SNX13: variants seen among roughly 807,000 people sequenced by gnomAD.
The protein encoded by SNX13 is sorting nexin 13, also known as sorting nexin-13.
Under a neutral mutation model 133.6 loss-of-function variants are expected in SNX13, and 45 were observed. The ratio of observed to expected loss-of-function variants is 0.34; its 90% confidence interval spans 0.27 to 0.43. The LOEUF (loss-of-function observed/expected upper bound fraction) is 0.43. Among genes scored for constraint, SNX13 ranks in the 20% least tolerant of loss-of-function variants. The pLI, the probability that SNX13 is intolerant of heterozygous loss-of-function variation, is 1.00. For synonymous variants in SNX13, 414 were observed against 373.9 expected (o/e 1.11, Z -1.24); for missense variants, 1,032 against 1,145.1 (o/e 0.90, Z 1.43).
chr7:17,920,969 A>G (rs1800063820), intron 1 of SNX13, among the ~76,000 whole-genome samples: 1 of 152,196 alleles, frequency 6.6e-6, no homozygotes, highest in Non-Finnish European at 1.5e-5. Context: ...TCAGCCAAGC[A>G]GCGCACTGGA....
At chr7:17,873,714 G>GGGAACTGGTTA in intron 7 of SNX13, 98 bp from the exon 8 acceptor site, 3 of 627,180 alleles carry the variant, frequency 4.8e-6, no homozygotes, top group Non-Finnish European at 7.4e-6. Context: ...GAAATAACCA[G>GGGAACTGGTTA]TTCCCTGGTT....
intron 5 of SNX13, chr7:17,882,694 G>A: frequency 5.9e-6 from 4 of 675,952 alleles, no homozygotes; most frequent in Non-Finnish European, 7.9e-6. Flanking sequence ...TGTTTTGGGA[G>A]GAAACATGAT....
intron 16 of SNX13, 43 bp from the exon 17 acceptor site, chr7:17,826,134 G>C (rs976776357): frequency 1.5e-6 from 2 of 1,323,832 alleles, no homozygotes; most frequent in South Asian, 2.8e-5. Context: ...AAATTTTATA[G>C]GGAAAAAAAA....
intron 1 of SNX13, among the ~76,000 whole-genome samples, chr7:17,912,556 G>A (rs761991068): frequency 1.3e-5 from 2 of 151,748 alleles, no homozygotes; most frequent in Non-Finnish European, 1.5e-5. Flanking sequence ...GATTACAGGC[G>A]CCCACCACCA....
At chr7:17,884,712 T>G (rs544585558) in intron 5 of SNX13, among the ~76,000 whole-genome samples, 1 of 152,296 alleles carries the variant, frequency 6.6e-6, no homozygotes, top group East Asian at 1.9e-4. Context: ...CATCTATCTG[T>G]AGAACAAATC....
At chr7:17,913,760 C>CAAAAA (rs71010278) in intron 1 of SNX13, among the ~76,000 whole-genome samples, 1,711 of 53,460 alleles carry the variant, frequency 0.032, no homozygotes, top group Non-Finnish European at 0.039. Flanking sequence ...TTAACAAAAA[C>CAAAAA]AAAAAAAAAA....
At chr7:17,891,733 T>C (rs888856776) in intron 3 of SNX13, 98 bp from the exon 4 acceptor site, 7 of 708,428 alleles carry the variant, frequency 9.9e-6, no homozygotes, top group African/African-American at 3.6e-5. Flanking sequence ...CCCTTCATTA[T>C]CCTCAAGTAA....
At chr7:17,810,444 C>T (rs1243282764) in intron 20 of SNX13, among the ~76,000 whole-genome samples, 1 of 151,716 alleles carries the variant, frequency 6.6e-6, no homozygotes, top group East Asian at 1.9e-4. Flanking sequence ...CTGAAGAGAC[C>T]AACAAGTTCT....
intron 1 of SNX13, among the ~76,000 whole-genome samples, chr7:17,906,410 G>T (rs1798401848): frequency 1.3e-5 from 2 of 151,770 alleles, no homozygotes; most frequent in Non-Finnish European, 2.9e-5. Context: ...AACCTTAAGG[G>T]AAACTATAAA....
Position 17,897,334 on chromosome 7 carries a change from C to A in SNX13, c.125G>T (p.Gly42Val). ...TAAAATTATAATTGAGTATACTTAC[C>A]CACCCACAAAGCAGAGGATATAAAA... ...LTFYILCFVG[G>V]GLVVTLLFGK... The change falls in exon 2 of 26, where the codon GGG (glycine) becomes GTG (valine). Residue 42 changes from glycine to valine, a missense_variant and splice_region_variant. Transcript: ENST00000428135. The A allele has an allele frequency of 6.6e-7, 1 of 1,504,844 alleles. No homozygotes were observed. Among genetic ancestry groups the A allele is most frequent in the Non-Finnish European group, 9.0e-7 (1 of 1,112,672 alleles). 93.2% of individuals were successfully genotyped at this position (1,504,844 alleles called of 1,614,324 possible).
rs1479294391 is a variant in SNX13 at position 17,801,257 on chromosome 7, C to CA, written c.2298+330dup. 6.0e-5 allele frequency among the ~76,000 whole-genome samples: 9 copies of CA among 150,280 alleles called. No homozygotes were observed. In the East Asian group the frequency reaches 1.4e-3, roughly 23 times the overall value. ...CATGGAAGAACATCACAATGTTGAG[C>CA]AAAAAAAAGTCAGACTTCATGGAAT... is the stretch of plus-strand genomic sequence containing the variant. On this transcript the variant is annotated intron_variant, in intron 22 of 25. Transcript: ENST00000428135.
At chr7:17,884,770 T>G (rs1014865261) in intron 5 of SNX13, among the ~76,000 whole-genome samples, 1 of 152,210 alleles carries the variant, frequency 6.6e-6, no homozygotes, top group Non-Finnish European at 1.5e-5. Context: ...CATGAAAAGA[T>G]GCTCGATATC....
chr7:17,831,484 A>T, intron 15 of SNX13: 1 of 982,726 alleles, frequency 1.0e-6, no homozygotes, highest in Non-Finnish European at 1.2e-6. Context: ...AGAGATAGTA[A>T]GCACAAGCAA....
chr7:17,845,328 C>G (rs547360150), intron 12 of SNX13, among the ~76,000 whole-genome samples: 1 of 151,966 alleles, frequency 6.6e-6, no homozygotes, highest in Non-Finnish European at 1.5e-5. Flanking sequence ...TAAGAGTAGT[C>G]AAAATTATAG....
chr7:17,815,864 C>T (rs187126277), intron 19 of SNX13, among the ~76,000 whole-genome samples: 43 of 152,072 alleles, frequency 2.8e-4, no homozygotes, highest in Non-Finnish European at 6.0e-4. Context: ...ATACATGACA[C>T]AGACATTTAG....
chr7:17,831,811 G>T (rs1788524276), intron 15 of SNX13: 1 of 982,576 alleles, frequency 1.0e-6, no homozygotes, highest in Non-Finnish European at 1.2e-6. Flanking sequence ...GCCTATTTTT[G>T]ATTAAATAAT....
chr7:17,919,687 A>AT (rs1295532314), intron 1 of SNX13, among the ~76,000 whole-genome samples: 3 of 152,224 alleles, frequency 2.0e-5, no homozygotes, highest in Non-Finnish European at 4.4e-5. Flanking sequence ...TAAACATCAG[A>AT]TAAGTCAATG....
At chr7:17,884,487 A>T (rs557240570) in intron 5 of SNX13, among the ~76,000 whole-genome samples, 1 of 152,196 alleles carries the variant, frequency 6.6e-6, no homozygotes, top group Non-Finnish European at 1.5e-5. Context: ...TCAACTATAG[A>T]TAACAATTTT....
intron 20 of SNX13, among the ~76,000 whole-genome samples, chr7:17,811,899 G>A (rs1464832440): frequency 1.3e-5 from 2 of 152,040 alleles, no homozygotes; most frequent in African/African-American, 4.8e-5. Flanking sequence ...AATAGGGAAA[G>A]GATTTTCTAT....
Sources: gnomAD v4.1 joint callset for allele counts (sites outside exome capture counted in the v4.1 genomes callset) on GRCh38, gnomAD v4.1.1 for gene constraint, MANE v1.5 for transcripts, NCBI Gene and HGNC (gene_info 2026-07-23, HGNC 2026-07-21) for gene names.